MBD2: variants seen among roughly 807,000 people sequenced by gnomAD.
MBD2 encodes the protein methyl-CpG-binding domain protein 2.
MBD2 carries 9 observed loss-of-function variants against 39.3 expected under a neutral mutation model. That is an observed-to-expected ratio of 0.23 (90% confidence interval 0.14 to 0.40). MBD2 has a LOEUF of 0.40. Among genes scored for constraint, MBD2 ranks in the 10% least tolerant of loss-of-function variants. The probability of loss-of-function intolerance (pLI) is 1.00; values close to 1 mark genes in which losing one functional copy is unlikely to be tolerated. For synonymous variants in MBD2, 233 were observed against 211.1 expected (o/e 1.10, Z -0.90); for missense variants, 458 against 532.6 (o/e 0.86, Z 1.38).
chr18:54,220,573 G>A (rs2086602422), intron 1 of MBD2, among the ~76,000 whole-genome samples: 1 of 152,162 alleles, frequency 6.6e-6, no homozygotes, highest in African/African-American at 2.4e-5. Context: ...CCCAGGGGCA[G>A]GCTAATTCAA....
chr18:54,168,121 C>T (rs948401971), intron 3 of MBD2, among the ~76,000 whole-genome samples: 1 of 151,288 alleles, frequency 6.6e-6, no homozygotes, highest in African/African-American at 2.4e-5. Context: ...CTCATAGTCA[C>T]TGATTTGTAA....
intron 2 of MBD2, chr18:54,202,638 G>T: frequency 1.1e-6 from 1 of 874,426 alleles, no homozygotes; most frequent in East Asian, 6.4e-5. Context: ...AATTAAGGCA[G>T]AAAGCTTCAG....
At chr18:54,192,019 T>C (rs2086322897) in intron 2 of MBD2, among the ~76,000 whole-genome samples, 1 of 152,202 alleles carries the variant, frequency 6.6e-6, no homozygotes, top group Non-Finnish European at 1.5e-5. Context: ...TTTTAAATGC[T>C]CTCCTGGTCA....
Position 54,159,909 on chromosome 18 carries a change from T to C in MBD2, c.1110-6A>G. On this transcript the variant is annotated splice_polypyrimidine_tract_variant and splice_region_variant and intron_variant, in intron 5 of 6. Transcript: ENST00000256429. ...GTACTCGCTCTTCCTGTTTCCTTTT[T>C]AAAAACAGAATAAAAAGGCACTGAG... 2 of 1,610,780 alleles carry C rather than the reference T, an allele frequency of 1.2e-6. No individual in the cohort carries two copies. The highest frequency in any genetic ancestry group is 1.7e-6 in the Non-Finnish European group (2 of 1,179,890).
intron 2 of MBD2, among the ~76,000 whole-genome samples, chr18:54,204,271 G>C (rs1306834854): frequency 6.6e-6 from 1 of 152,182 alleles, no homozygotes; most frequent in East Asian, 1.9e-4. Context: ...AGAAAAAATA[G>C]TCACATATGT....
intron 3 of MBD2, among the ~76,000 whole-genome samples, chr18:54,179,816 C>T (rs147811783): frequency 1.3e-5 from 2 of 152,042 alleles, no homozygotes; most frequent in African/African-American, 4.8e-5. Context: ...CCTGACATCA[C>T]GAATGAGACT....
At chr18:54,214,719 C>A (rs756472315) in intron 1 of MBD2, among the ~76,000 whole-genome samples, 45 of 149,096 alleles carry the variant, frequency 3.0e-4, no homozygotes, top group Non-Finnish European at 4.6e-4. Context: ...AAAATTTCCA[C>A]GAGGTAGAAT....
intron 3 of MBD2, among the ~76,000 whole-genome samples, chr18:54,182,947 C>CA (rs891471130): frequency 2.0e-4 from 30 of 150,968 alleles, no homozygotes; most frequent in African/African-American, 7.0e-4. Flanking sequence ...AAAAAAAAGA[C>CA]AAAAAGCAGA....
chr18:54,177,037 C>T (rs576425332), intron 3 of MBD2, among the ~76,000 whole-genome samples: 2 of 152,314 alleles, frequency 1.3e-5, no homozygotes, highest in South Asian at 4.1e-4. Context: ...CAATACTTGT[C>T]AAGTGCCTGA....
At chr18:54,166,020 G>C (rs971525112) in intron 4 of MBD2, 56 bp downstream of exon 4, 32 of 1,182,828 alleles carry the variant, frequency 2.7e-5, no homozygotes, top group Non-Finnish European at 3.9e-5. Context: ...CTAACAGAGT[G>C]CCTGGCATGC....
chr18:54,202,043 G>A lies in MBD2; in HGVS notation c.702+2955C>T, dbSNP rs563590389. ...TAAAGCTCTAATTCTTTCAAGATAA[G>A]AGTTTAAAAACAAAACATGTTGGGC... is the stretch of plus-strand genomic sequence containing the variant. On this transcript the variant is annotated intron_variant, in intron 2 of 6. Coordinates refer to ENST00000256429, the MANE Select transcript of MBD2 (RefSeq NM_003927.5). 5.9e-5 allele frequency among the ~76,000 whole-genome samples: 9 copies of A among 151,776 alleles called. No homozygotes were observed. The East Asian group carries it at 1.8e-3, about 30-fold the overall frequency.
rs1007479226 is a variant in MBD2, at chr18:54,210,301, C to CA, written c.543-5145dup. On this transcript the variant is annotated intron_variant, in intron 1 of 6. Transcript: ENST00000256429. ...TCACTTAAAAATAAAAATAAAATAA[C>CA]AAAAAAAAAGTAATTGAAACCAGAA... 7.0e-4 allele frequency among the ~76,000 whole-genome samples: 106 copies of CA among 151,110 alleles called. 1 individual carries two copies. The highest frequency in any genetic ancestry group is 3.2e-4 in the Non-Finnish European group (22 of 67,726).
At position 54,189,016 on chromosome 18, in the gene MBD2, G is replaced by C. The variant is rs376348912; in HGVS notation, c.703-5C>G. On this transcript the variant is annotated splice_region_variant and splice_polypyrimidine_tract_variant and intron_variant, in intron 2 of 6. Coordinates refer to ENST00000256429, the MANE Select transcript of MBD2 (RefSeq NM_003927.5). ...TGTATTCAAGTCTGGTTTACCCTGTGAATATAAATGTATTTTTATTTAAAA... is the reference window on the plus strand; with the variant it reads ...TGTATTCAAGTCTGGTTTACCCTGTCAATATAAATGTATTTTTATTTAAAA... 9 of 1,555,828 alleles carry C rather than the reference G, an allele frequency of 5.8e-6. No homozygotes were observed. The highest frequency in any genetic ancestry group is 7.9e-6 in the Non-Finnish European group (9 of 1,145,200).
At chr18:54,163,144 C>T (rs566798360) in intron 5 of MBD2, among the ~76,000 whole-genome samples, 66 of 152,030 alleles carry the variant, frequency 4.3e-4, no homozygotes, top group Non-Finnish European at 7.9e-4. Context: ...TAGTGGCGCT[C>T]GCCTGTAGTC....
chr18:54,161,535 C>T (rs1295156580), intron 5 of MBD2, among the ~76,000 whole-genome samples: 1 of 152,234 alleles, frequency 6.6e-6, no homozygotes, highest in Non-Finnish European at 1.5e-5. Context: ...AGAATCTTCA[C>T]AGCTGTCCTA....
intron 1 of MBD2, among the ~76,000 whole-genome samples, chr18:54,214,003 CTTTTT>C: frequency 7.7e-6 from 1 of 129,298 alleles, no homozygotes; most frequent in South Asian, 2.5e-4. Context: ...TTCTTTCTTT[CTTTTT>C]TTTTTTTTTT....
intron 2 of MBD2, among the ~76,000 whole-genome samples, chr18:54,191,001 C>CA (rs764379122): frequency 4.6e-5 from 7 of 152,050 alleles, no homozygotes; most frequent in Non-Finnish European, 8.8e-5. Context: ...CAGATTCTGG[C>CA]AAAAAGGATG....
intron 1 of MBD2, among the ~76,000 whole-genome samples, chr18:54,218,894 G>A (rs578196660): frequency 4.7e-4 from 72 of 151,630 alleles, no homozygotes; most frequent in Non-Finnish European, 9.6e-4. Context: ...CCCAGGAGGC[G>A]GAGGTTGCAG....
At position 54,196,066 on chromosome 18, in the gene MBD2, T is replaced by C. The variant is rs141245720; in HGVS notation, c.703-7055A>G. On this transcript the variant is annotated intron_variant, in intron 2 of 6. Transcript: ENST00000256429. ...CTTCGTAAGTTTTTAATTAATATAATTCACATACCACAAAACTCATCATTT... is the reference window on the plus strand; with the variant it reads ...CTTCGTAAGTTTTTAATTAATATAACTCACATACCACAAAACTCATCATTT... Among the ~76,000 whole-genome samples the C allele has an allele frequency of 5.0e-3, 763 of 152,326 alleles. 8 individuals are homozygous for C. The highest frequency in any genetic ancestry group is 0.017 in the African/African-American group (696 of 41,580).
Sources: gnomAD v4.1 joint callset for allele counts (sites outside exome capture counted in the v4.1 genomes callset) on GRCh38, gnomAD v4.1.1 for gene constraint, MANE v1.5 for transcripts, NCBI Gene and HGNC (gene_info 2026-07-23, HGNC 2026-07-21) for gene names.